The following SMCO2 variants were observed in gnomAD, a reference collection of about 807,000 sequenced individuals.
SMCO2 encodes the protein single-pass membrane and coiled-coil domain-containing protein 2.
Under a neutral mutation model 29.5 loss-of-function variants are expected in SMCO2, and 25 were observed. The ratio of observed to expected loss-of-function variants is 0.85; its 90% CI spans 0.62 to 1.18. The LOEUF (loss-of-function observed/expected upper bound fraction) is 1.18. Ranked by LOEUF, SMCO2 falls within the 50% of genes most tolerant of loss-of-function variation. SMCO2 has a pLI of 0.00. For missense variants in SMCO2, 348 were observed against 344.5 expected, an observed-to-expected ratio of 1.01 and a Z score of -0.08; for synonymous variants, 117 against 123.3, an observed-to-expected ratio of 0.95 and a Z score of 0.34.
At chr12:27,474,735 A>G in intron 3 of SMCO2, 51 bp from the exon 4 acceptor site, 1 of 1,548,154 alleles carries the variant, frequency 6.5e-7, no homozygotes, top group Non-Finnish European at 8.7e-7. Flanking sequence ...GAACCACCAC[A>G]TCTTGTACTA....
chr12:27,441,656 T>G, the SMCO2 span, among the ~76,000 whole-genome samples: 1 of 129,904 alleles, frequency 7.7e-6, no homozygotes, highest in African/African-American at 3.0e-5. Flanking sequence ...TTCACAGTAA[T>G]AGACAGATCA....
At chr12:27,483,741 A>G (rs1381119281) in intron 4 of SMCO2, among the ~76,000 whole-genome samples, 1 of 152,094 alleles carries the variant, frequency 6.6e-6, no homozygotes, top group African/African-American at 2.4e-5. Flanking sequence ...ATTGTTTTTT[A>G]AAAATAGTTA....
At chr12:27,447,355 C>T in the SMCO2 span, among the ~76,000 whole-genome samples, 1 of 152,160 alleles carries the variant, frequency 6.6e-6, no homozygotes, top group South Asian at 2.1e-4. Flanking sequence ...GAAGCTGTCA[C>T]CACCGACACA....
chr12:27,483,717 G>A (rs1949664495), intron 4 of SMCO2, among the ~76,000 whole-genome samples: 1 of 152,108 alleles, frequency 6.6e-6, no homozygotes, highest in African/African-American at 2.4e-5. Flanking sequence ...GAACCGTTAT[G>A]CCCATCCTTT....
the SMCO2 span, among the ~76,000 whole-genome samples, chr12:27,431,074 GGTGCGATCT>G: frequency 6.6e-6 from 1 of 151,762 alleles, no homozygotes; most frequent in Non-Finnish European, 1.5e-5. Flanking sequence ...GGAGTGCAGT[GGTGCGATCT>G]CAGCTTACTG....
At chr12:27,424,799 C>T in the SMCO2 span, 1 of 152,174 alleles carries the variant, frequency 6.6e-6, no homozygotes, top group Non-Finnish European at 1.5e-5. Context: ...TGCTAAGTGG[C>T]CACTAGGTGC....
At chr12:27,459,944 C>G in the SMCO2 span, among the ~76,000 whole-genome samples, 1 of 152,192 alleles carries the variant, frequency 6.6e-6, no homozygotes, top group African/African-American at 2.4e-5. Context: ...GCTAAAACCT[C>G]AGGATTCTGT....
the SMCO2 span, among the ~76,000 whole-genome samples, chr12:27,444,517 G>T: frequency 2.6e-5 from 4 of 152,130 alleles, no homozygotes; most frequent in African/African-American, 9.7e-5. Context: ...CAGCTAAAGA[G>T]CTCCTGCACA....
At chr12:27,434,420 T>C in the SMCO2 span, among the ~76,000 whole-genome samples, 2 of 152,218 alleles carry the variant, frequency 1.3e-5, no homozygotes, top group African/African-American at 4.8e-5. Flanking sequence ...TTTGTGATCT[T>C]AGTAATAATA....
intron 4 of SMCO2, 120 bp from the exon 6 acceptor site, chr12:27,488,340 G>A (rs1049043611): frequency 3.7e-6 from 2 of 542,268 alleles, no homozygotes; most frequent in Admixed American, 4.0e-5. Flanking sequence ...TGCAATACAA[G>A]CACTACCAAA....
chr12:27,485,176 A>T (rs779257555), intron 4 of SMCO2, among the ~76,000 whole-genome samples: 47 of 150,806 alleles, frequency 3.1e-4, no homozygotes, highest in Non-Finnish European at 6.5e-4. Context: ...CAGACTTTCT[A>T]TCACTATATC....
At chr12:27,497,926 C>A in intron 7 of SMCO2, 1 of 336,936 alleles carries the variant, frequency 3.0e-6, no homozygotes, top group Non-Finnish European at 5.8e-6. Context: ...TAACTAGAGT[C>A]TCCCGTGCTG....
chr12:27,455,889 G>A, the SMCO2 span, among the ~76,000 whole-genome samples: 3 of 152,246 alleles, frequency 2.0e-5, no homozygotes, highest in Admixed American at 2.0e-4. Flanking sequence ...AGAACATGTA[G>A]CATGATCACA....
chr12:27,465,502 T>G (rs1255698676), upstream of SMCO2, among the ~76,000 whole-genome samples: 1 of 152,194 alleles, frequency 6.6e-6, no homozygotes, highest in African/African-American at 2.4e-5. Context: ...AGGTAGGGCA[T>G]GCAGTACAGA....
intron 1 of SMCO2, among the ~76,000 whole-genome samples, chr12:27,469,925 C>A (rs1056347902): frequency 2.0e-5 from 3 of 152,170 alleles, no homozygotes; most frequent in Non-Finnish European, 4.4e-5. Context: ...ATTAGTTAAA[C>A]CTTTAGGAAA....
At chr12:27,472,040 T>C (rs1444721170) in intron 2 of SMCO2, among the ~76,000 whole-genome samples, 1 of 152,152 alleles carries the variant, frequency 6.6e-6, no homozygotes, top group Admixed American at 6.5e-5. Flanking sequence ...ATTCTACCTA[T>C]CTGTTAATAA....
chr12:27,468,696 G>A (rs1403440535), intron 1 of SMCO2, among the ~76,000 whole-genome samples: 1 of 152,208 alleles, frequency 6.6e-6, no homozygotes, highest in East Asian at 1.9e-4. Flanking sequence ...CATCTTTGGA[G>A]GTGGGAGGTG....
chr12:27,475,059 C>A, intron 4 of SMCO2, 146 bp downstream of exon 4: 1 of 916,628 alleles, frequency 1.1e-6, no homozygotes, highest in Non-Finnish European at 1.6e-6. Context: ...TAGGTAACTA[C>A]CTACATGATC....
chr12:27,487,245 A>G (rs141477934), intron 4 of SMCO2, among the ~76,000 whole-genome samples: 1 of 152,142 alleles, frequency 6.6e-6, no homozygotes, highest in East Asian at 1.9e-4. Context: ...CCCATCCCTA[A>G]CCCCTGGCAA....
Sources: gnomAD v4.1 joint callset for allele counts (sites outside exome capture counted in the v4.1 genomes callset) on GRCh38, gnomAD v4.1.1 for gene constraint, MANE v1.5 for transcripts, NCBI Gene and HGNC (gene_info 2026-07-23, HGNC 2026-07-21) for gene names.